MTF1: variants seen among roughly 807,000 people sequenced by gnomAD.
The protein encoded by MTF1 is metal regulatory transcription factor 1.
In MTF1, 22 loss-of-function variants were observed where a neutral mutation model predicts 70.4. The observed-to-expected ratio is 0.31, with a 90% CI of 0.22 to 0.45. The LOEUF is 0.45. Among genes scored for constraint, MTF1 ranks in the 20% least tolerant of loss-of-function variants. MTF1 has a pLI of 1.00. For synonymous variants in MTF1, 333 were observed against 352.8 expected (o/e 0.94, Z 0.63); for missense variants, 649 against 922.0 (o/e 0.70, Z 3.83).
intron 1 of MTF1, among the ~76,000 whole-genome samples, chr1:37,858,830 T>C (rs1641544552): frequency 6.6e-6 from 1 of 152,250 alleles, no homozygotes; most frequent in Admixed American, 6.5e-5. Context: ...GAATAGTGAT[T>C]CTTCCTTCAT....
rs544544063 is a variant in MTF1 at position 37,828,982 on chromosome 1, C to A, written c.1068+3263G>T. On this transcript the variant is annotated intron_variant, in intron 7 of 10. Transcript: ENST00000373036. The stretch of plus-strand genomic sequence containing the variant: ...GAAGGCCATTCCCTAGCACCTTCAA[C>A]TCTCCTCTAACAAAAGATCTGAGCA... 2.0e-5 allele frequency among the ~76,000 whole-genome samples: 3 copies of A among 152,344 alleles called. No homozygotes were observed. In the East Asian group the frequency reaches 5.8e-4, roughly 29 times the overall value.
intron 3 of MTF1, 59 bp from the exon 4 acceptor site, chr1:37,838,815 T>G (rs968221045): frequency 8.1e-7 from 1 of 1,233,478 alleles, no homozygotes; most frequent in Non-Finnish European, 1.1e-6. Context: ...TTTTTTTTTT[T>G]TTTTCTGAGA....
chr1:37,842,639 A>T (rs1354275616), intron 2 of MTF1, among the ~76,000 whole-genome samples: 1 of 152,128 alleles, frequency 6.6e-6, no homozygotes, highest in Non-Finnish European at 1.5e-5. Flanking sequence ...TCTCCCAAAG[A>T]TCCTCATATC....
chr1:37,827,625 G>T (rs982682325), intron 7 of MTF1, among the ~76,000 whole-genome samples: 2 of 151,870 alleles, frequency 1.3e-5, no homozygotes, highest in Non-Finnish European at 2.9e-5. Context: ...GCCTCCCAAA[G>T]TGCTGGGATT....
intron 1 of MTF1, among the ~76,000 whole-genome samples, chr1:37,857,957 G>A (rs777248621): frequency 3.3e-5 from 5 of 150,082 alleles, no homozygotes; most frequent in Non-Finnish European, 5.9e-5. Flanking sequence ...TGGGAGGATC[G>A]CTTGAGGCCA....
intron 7 of MTF1, among the ~76,000 whole-genome samples, chr1:37,831,808 T>G (rs1641091463): frequency 1.3e-5 from 2 of 151,930 alleles, no homozygotes; most frequent in South Asian, 4.1e-4. Flanking sequence ...TAAATAAAAT[T>G]AAAATGAAAA....
Position 37,832,375 on chromosome 1 carries a change from G to A in MTF1, c.991-53C>T. The A allele has an allele frequency of 8.9e-6, 10 of 1,123,922 alleles. No homozygotes were observed. The South Asian group carries it at 1.3e-4, about 14-fold the overall frequency. 69.6% of individuals were successfully genotyped at this position (1,123,922 alleles called of 1,614,324 possible). On this transcript the variant is annotated intron_variant, in intron 6 of 10. Transcript: ENST00000373036. ...GTAACAAAAATCAGGATTTACAGTG[G>A]CATATCATGTAACAAAACATTTGAT...
In MTF1 at chr1:37,854,726, T is replaced by G. The variant is rs567203676; in HGVS notation, c.408+2525A>C. On this transcript the variant is annotated intron_variant, in intron 2 of 10. Transcript: ENST00000373036. ...GAGCCATACTGTATTCAGTGCTAGTTGACTCACACTTATGAGACTGCGCTC... is the reference window on the plus strand; with the variant it reads ...GAGCCATACTGTATTCAGTGCTAGTGGACTCACACTTATGAGACTGCGCTC... 7.6e-4 allele frequency among the ~76,000 whole-genome samples: 116 copies of G among 152,338 alleles called. 1 individual carries two copies. Among genetic ancestry groups the G allele is most frequent in the African/African-American group, 2.7e-3 (113 of 41,576 alleles).
At chr1:37,847,077 G>A (rs2148419017) in intron 2 of MTF1, among the ~76,000 whole-genome samples, 2 of 152,170 alleles carry the variant, frequency 1.3e-5, no homozygotes, top group Middle Eastern at 3.4e-3. Flanking sequence ...AGAAATATAA[G>A]AACCCTGAAG....
chr1:37,815,206 T>C lies in MTF1; in HGVS notation c.2192A>G (p.Asn731Ser), dbSNP rs773500317. The C allele has an allele frequency of 9.9e-6, 16 of 1,614,032 alleles. No individual in the cohort carries two copies. The highest frequency in any genetic ancestry group is 2.2e-5 in the East Asian group (1 of 44,886). ...LSLQSLDTPS[N>S]LIPIEALLQG... ...CAGTAGTGCTTCAATGGGAATCAGATTGGACGGGGTGTCCAGGCTCTGGAG... is the reference window on the plus strand; with the variant it reads ...CAGTAGTGCTTCAATGGGAATCAGACTGGACGGGGTGTCCAGGCTCTGGAG... The change falls in exon 11 of 11, where the codon AAT becomes AGT. Residue 731 changes from asparagine to serine, a missense_variant. This residue lies in a region of MTF1 where 138 missense variants were observed against 134.4 expected (regional missense o/e 1.03). Transcript: ENST00000373036. This position sits in a 1 kb window ranked among gnomAD's most constrained non-coding sequence, Gnocchi z 4.5.
chr1:37,825,689 CTCCTCT>C (rs761558708), intron 7 of MTF1, among the ~76,000 whole-genome samples: 159 of 152,268 alleles, frequency 1.0e-3, no homozygotes, highest in Non-Finnish European at 1.7e-3. Context: ...AAACCAACCC[CTCCTCT>C]TCCTCTTCCT....
At position 37,813,631 on chromosome 1, in the gene MTF1, C is replaced by T. The variant is rs1298648817; in HGVS notation, c.*1505G>A. On this transcript the variant is annotated 3_prime_UTR_variant, in exon 11 of 11. Transcript: ENST00000373036. ...GAGCAGCCTTGTTTGTGGAACACCA[C>T]TCCTTGCTCAGGGCAAGGAAAGGGC... 1 of 152,288 alleles carries T rather than the reference C, an allele frequency of 6.6e-6. No individual in the cohort carries two copies. Among genetic ancestry groups the T allele is most frequent in the Non-Finnish European group, 1.5e-5 (1 of 68,064 alleles). The allele number at this position is 152,288 out of a possible 1,614,324, so 9.4% of individuals were successfully genotyped here. A position where few individuals can be genotyped will look rare whatever the true frequency, so the allele number is the denominator to read the frequency against.
At chr1:37,839,675 T>C (rs1641226521) in intron 3 of MTF1, among the ~76,000 whole-genome samples, 1 of 152,186 alleles carries the variant, frequency 6.6e-6, no homozygotes, top group East Asian at 1.9e-4. Flanking sequence ...TAAACAGAAA[T>C]GTACTGTCGC....
intron 4 of MTF1, among the ~76,000 whole-genome samples, chr1:37,836,241 G>A (rs1039441233): frequency 6.6e-6 from 1 of 152,128 alleles, no homozygotes; most frequent in African/African-American, 2.4e-5. Flanking sequence ...AGAACTGAGA[G>A]CCCAGGATAA....
intron 1 of MTF1, chr1:37,858,568 T>C (rs1358770134): frequency 6.6e-6 from 1 of 152,244 alleles, no homozygotes; most frequent in Non-Finnish European, 1.5e-5. Flanking sequence ...TGTATCTATT[T>C]ATGTCCTAAA....
At chr1:37,847,832 CA>C (rs1641356875) in intron 2 of MTF1, among the ~76,000 whole-genome samples, 3 of 151,906 alleles carry the variant, frequency 2.0e-5, no homozygotes, top group African/African-American at 7.2e-5. Context: ...CGCGACTCTC[CA>C]AAAAAATAAG....
intron 2 of MTF1, among the ~76,000 whole-genome samples, chr1:37,842,130 T>C (rs1641263678): frequency 6.6e-6 from 1 of 151,948 alleles, no homozygotes; most frequent in African/African-American, 2.4e-5. Context: ...TAGCCAGGCG[T>C]GGTGGCACAT....
chr1:37,835,602 A>G (rs982435259), intron 5 of MTF1, 69 bp downstream of exon 5: 1 of 1,133,648 alleles, frequency 8.8e-7, no homozygotes. Flanking sequence ...ATATCCACCT[A>G]GCTCTACAGG....
At chr1:37,827,954 T>A (rs1641029149) in intron 7 of MTF1, among the ~76,000 whole-genome samples, 1 of 152,054 alleles carries the variant, frequency 6.6e-6, no homozygotes, top group Non-Finnish European at 1.5e-5. Flanking sequence ...TCATAATGGC[T>A]CCAAACTGGA....
Sources: allele counts gnomAD v4.1 joint callset (sites outside exome capture counted in the v4.1 genomes callset), GRCh38; gene constraint gnomAD v4.1.1; regional missense constraint gnomAD v4.1.1; non-coding constraint Gnocchi (gnomAD v3.1); transcripts MANE v1.5; gene names NCBI Gene and HGNC (gene_info 2026-07-23, HGNC 2026-07-21).